PARP1: variants seen among roughly 807,000 people sequenced by gnomAD.
The protein encoded by PARP1 is poly [ADP-ribose] polymerase 1.
In PARP1, 44 loss-of-function variants were observed where a neutral mutation model predicts 118.7. The ratio of observed to expected loss-of-function variants is 0.37; its 90% CI spans 0.29 to 0.48. The LOEUF is 0.48. Ranked by LOEUF, PARP1 falls within the 20% of genes least tolerant of loss-of-function variation. The pLI is 0.99. For missense variants in PARP1, 1,100 were observed against 1,272.4 expected, an observed-to-expected ratio of 0.86 and a Z score of 2.06; for synonymous variants, 492 against 483.2, an observed-to-expected ratio of 1.02 and a Z score of -0.24.
At chr1:226,370,702 G>A (rs1576392518) in intron 14 of PARP1, 185 bp from the exon 15 acceptor site, 2 of 654,628 alleles carry the variant, frequency 3.1e-6, no homozygotes, top group South Asian at 1.6e-5. Flanking sequence ...AGGGATGGCA[G>A]TGTGTCTGAA....
intron 11 of PARP1, 116 bp downstream of exon 11, chr1:226,379,457 A>G (rs1664560390): frequency 7.1e-6 from 8 of 1,134,448 alleles, no homozygotes; most frequent in Non-Finnish European, 1.1e-5. Context: ...CTGAGTGAGG[A>G]CAAAGGCACG....
At chr1:226,366,103 C>T in intron 17 of PARP1, 51 bp from the exon 18 acceptor site, 1 of 1,257,314 alleles carries the variant, frequency 8.0e-7, no homozygotes, top group Non-Finnish European at 1.2e-6. Context: ...AGGAGAGCTA[C>T]AGAGGAGGAA....
chr1:226,365,112 G>A lies in PARP1; in HGVS notation c.2548C>T (p.Pro850Ser). The change falls in exon 19 of 23, where the codon CCC becomes TCC. Residue 850 changes from proline to serine, a missense_variant. Around this residue, in one of 2 missense-constraint regions of PARP1, gnomAD observed 152 missense variants for 240.6 expected, o/e 0.63. Transcript: ENST00000366794. ...CTTCGGTTATGAAGCTGCTTAAAGG[G>A]CTTGTAACGCTGGCATTCGCCTTCA... ...EREGECQRYK[P>S]FKQLHNRRLL... 6.2e-7 allele frequency: 1 copy of A among 1,614,224 alleles called. No homozygotes were observed. The highest frequency in any genetic ancestry group is 1.1e-5 in the South Asian group (1 of 91,088).
rs759646966 is a variant in PARP1, at chr1:226,388,678, C to T, written c.695G>A (p.Ser232Asn). 1.4e-5 allele frequency: 22 copies of T among 1,613,296 alleles called. No individual in the cohort carries two copies. The highest frequency in any genetic ancestry group is 1.8e-5 in the Non-Finnish European group (21 of 1,179,202). Residue 232 changes from serine (S) to asparagine (N), a missense_variant, in exon 5 of 23, where the codon AGT (serine) becomes AAT (asparagine). Around this residue, in one of 2 missense-constraint regions of PARP1, gnomAD observed 948 missense variants for 1,031.8 expected, o/e 0.92. Coordinates refer to ENST00000366794, the MANE Select transcript of PARP1 (RefSeq NM_001618.4). ...CACCTTTAGGGCTTTTTCAAGCTTA[C>T]TATCCTTGTCTTTTTCTTTTTTAGA... ...KKSKKEKDKDSKLEKALKAQN... is the reference protein window; with the variant it reads ...KKSKKEKDKDNKLEKALKAQN...
intron 4 of PARP1, 76 bp downstream of exon 4, chr1:226,390,334 G>C (rs1664799105): frequency 8.0e-7 from 1 of 1,250,914 alleles, no homozygotes; most frequent in East Asian, 2.3e-5. Flanking sequence ...GGAGTGGTAT[G>C]GAACCTGTAG....
chr1:226,376,617 C>G (rs1430957960), intron 13 of PARP1, among the ~76,000 whole-genome samples: 1 of 152,248 alleles, frequency 6.6e-6, no homozygotes, highest in Non-Finnish European at 1.5e-5. Flanking sequence ...CATTTAAGCT[C>G]TATCTCATAC....
At chr1:226,377,657 A>G (rs922694324) in intron 12 of PARP1, among the ~76,000 whole-genome samples, 2 of 152,188 alleles carry the variant, frequency 1.3e-5, no homozygotes, top group African/African-American at 4.8e-5. Flanking sequence ...GTGTTCAAGG[A>G]GTCAACCCTT....
In PARP1 at chr1:226,361,209, T is replaced by C. The variant is rs1576388684; in HGVS notation, c.*251A>G. ...GAATCTCTCTCCAGCCTTTTCTCTA[T>C]GTCAGTTTTATCTACCTGGCAAGAA... On this transcript the variant is annotated 3_prime_UTR_variant, in exon 23 of 23. Coordinates refer to ENST00000366794, the MANE Select transcript of PARP1 (RefSeq NM_001618.4). 4 of 565,176 alleles carry C rather than the reference T, an allele frequency of 7.1e-6. No homozygotes were observed. The highest frequency in any genetic ancestry group is 1.3e-5 in the Non-Finnish European group (4 of 314,716). The allele number at this position is 565,176 out of a possible 1,614,324, so 35.0% of individuals were successfully genotyped here.
At chr1:226,398,707 T>G (rs1044600915) in intron 2 of PARP1, among the ~76,000 whole-genome samples, 28 of 152,196 alleles carry the variant, frequency 1.8e-4, no homozygotes, top group African/African-American at 6.8e-4. Flanking sequence ...AAAACAATGA[T>G]AACACCAAAT....
At chr1:226,392,683 A>T in intron 2 of PARP1, 1 of 542,028 alleles carries the variant, frequency 1.8e-6, no homozygotes, top group Non-Finnish European at 3.2e-6. Context: ...AAGGCTTCTA[A>T]TTTCCATTAT....
In PARP1 at chr1:226,385,605, A is replaced by G. The variant is rs200557411; in HGVS notation, c.910T>C (p.Phe304Leu). 5 of 1,614,158 alleles carry G rather than the reference A, an allele frequency of 3.1e-6. No homozygotes were observed. Among genetic ancestry groups the G allele is most frequent in the Non-Finnish European group, 4.2e-6 (5 of 1,179,988 alleles). ...GTGCAGTAATAGGCATCGCTCTTGAAGACCAGCTGACCCGAGCATTCCTCG... is the reference window on the plus strand; with the variant it reads ...GTGCAGTAATAGGCATCGCTCTTGAGGACCAGCTGACCCGAGCATTCCTCG... ...PCEECSGQLV[F>L]KSDAYYCTGD... Residue 304 changes from phenylalanine (F) to leucine (L), a missense_variant, in exon 7 of 23, where the codon TTC becomes CTC. Phe to Leu is a conservative substitution (Grantham distance 22, BLOSUM62 0). Coordinates refer to ENST00000366794, the MANE Select transcript of PARP1 (RefSeq NM_001618.4).
At chr1:226,367,802 C>T (rs1279456954) in intron 16 of PARP1, among the ~76,000 whole-genome samples, 194 bp from the exon 17 acceptor site, 1 of 152,204 alleles carries the variant, frequency 6.6e-6, no homozygotes, top group East Asian at 1.9e-4. Context: ...GTTAACAAGG[C>T]CTTGTGGCCT....
rs1373788008 is a variant in PARP1, at chr1:226,360,954, AAAAACT to A, written c.*500_*505del. 4.4e-6 allele frequency: 1 copy of A among 229,412 alleles called. No individual in the cohort carries two copies. Among genetic ancestry groups the A allele is most frequent in the Middle Eastern group, 1.3e-3 (1 of 754 alleles). 14.2% of individuals were successfully genotyped at this position (229,412 alleles called of 1,614,324 possible). A position where few individuals can be genotyped will look rare whatever the true frequency, so the allele number is the denominator to read the frequency against. ...CCCCTCACCACAAGAGGCAAACAAA[AAAAACT>A]AAAAAGGGGACAATAAGTGCAAGAT... is the stretch of plus-strand genomic sequence containing the variant. On this transcript the variant is annotated 3_prime_UTR_variant, in exon 23 of 23. Transcript: ENST00000366794.
At chr1:226,370,576 G>A (rs1664360970) in intron 14 of PARP1, 59 bp from the exon 15 acceptor site, 1 of 1,395,246 alleles carries the variant, frequency 7.2e-7, no homozygotes, top group Non-Finnish European at 1.0e-6. Flanking sequence ...GATCGCAGGA[G>A]AGCTGGACCG....
In PARP1 at chr1:226,381,093, C is replaced by T; in HGVS notation, c.1275G>A (p.Lys425=). 6.2e-7 allele frequency: 1 copy of T among 1,614,218 alleles called. No homozygotes were observed. Among genetic ancestry groups the T allele is most frequent in the Non-Finnish European group, 8.5e-7 (1 of 1,180,036 alleles). Residue 425 remains lysine (K), a synonymous_variant, in exon 9 of 23, where the codon AAG becomes AAA. Coordinates refer to ENST00000366794, the MANE Select transcript of PARP1 (RefSeq NM_001618.4). ...TTTTGGTGCTGATGCACAGGGAAGC[C>T]TTGTTGGCCGTCCCCGTCAACTTCC... ...LGGKLTGTAN[K]ASLCISTKKE...
chr1:226,403,067 A>G (rs780562402), intron 1 of PARP1, among the ~76,000 whole-genome samples: 2 of 152,334 alleles, frequency 1.3e-5, no homozygotes, highest in East Asian at 1.9e-4. Context: ...TCTGGGGCGC[A>G]GTTTCCCAGG....
At chr1:226,386,860 A>G (rs1340615555) in intron 5 of PARP1, among the ~76,000 whole-genome samples, 2 of 152,154 alleles carry the variant, frequency 1.3e-5, no homozygotes, top group African/African-American at 2.4e-5. Context: ...ATTCGCAAAC[A>G]CCAATTTCCT....
chr1:226,400,392 C>T (rs1356942015), intron 2 of PARP1, among the ~76,000 whole-genome samples: 1 of 152,170 alleles, frequency 6.6e-6, no homozygotes, highest in South Asian at 2.1e-4. Flanking sequence ...TCACGCCTCA[C>T]ACCACACATC....
chr1:226,367,685 C>G (rs1302109320), intron 16 of PARP1, 77 bp from the exon 17 acceptor site: 1 of 1,554,464 alleles, frequency 6.4e-7, no homozygotes, highest in Non-Finnish European at 8.8e-7. Flanking sequence ...CAGAGAAAAC[C>G]TACATGCAGA....
Sources: allele counts gnomAD v4.1 joint callset (sites outside exome capture counted in the v4.1 genomes callset), GRCh38; gene constraint gnomAD v4.1.1; regional missense constraint gnomAD v4.1.1; transcripts MANE v1.5; gene names NCBI Gene and HGNC (gene_info 2026-07-23, HGNC 2026-07-21).